CLIP2: variants seen among roughly 807,000 people sequenced by gnomAD.
CLIP2 encodes the protein CAP-Gly domain-containing linker protein 2.
CLIP2 carries 41 observed loss-of-function variants against 111.7 expected under a neutral mutation model. The ratio of observed to expected loss-of-function variants is 0.37; its 90% CI spans 0.29 to 0.48. CLIP2 has a LOEUF of 0.48. CLIP2 is among the 20% of genes least tolerant of loss of function. The probability of loss-of-function intolerance (pLI) is 0.99; values close to 1 mark genes in which losing one functional copy is unlikely to be tolerated. For missense variants in CLIP2, 1,160 were observed against 1,422.1 expected (o/e 0.82, Z 2.96); for synonymous variants, 660 against 644.2 (o/e 1.02, Z -0.37).
At chr7:74,354,028 G>A (rs1216786518) in intron 4 of CLIP2, 24 bp downstream of exon 4, 1 of 1,595,326 alleles carries the variant, frequency 6.3e-7, no homozygotes, top group Non-Finnish European at 8.6e-7. Flanking sequence ...CTTCTGGGGA[G>A]TATGGGAGGG....
In CLIP2 at chr7:74,386,719, C is replaced by T. The variant is rs1282388322; in HGVS notation, c.2563+115C>T. On this transcript the variant is annotated intron_variant, in intron 12 of 16. Coordinates refer to ENST00000223398, the MANE Select transcript of CLIP2 (RefSeq NM_003388.5). Reference sequence around the variant, plus strand: ...CTGGCTTAGGGTCCCCTCCCCGACTCTGCTTTGAGAAGAAAAGGGCTGGCT... The same window carrying T: ...CTGGCTTAGGGTCCCCTCCCCGACTTTGCTTTGAGAAGAAAAGGGCTGGCT... 3.7e-5 allele frequency: 27 copies of T among 724,294 alleles called. No homozygotes were observed. In the East Asian group the frequency reaches 8.8e-4, roughly 24 times the overall value. 44.9% of individuals were successfully genotyped at this position (724,294 alleles called of 1,614,324 possible). A position where few individuals can be genotyped will look rare whatever the true frequency, so the allele number is the denominator to read the frequency against.
intron 1 of CLIP2, among the ~76,000 whole-genome samples, chr7:74,316,113 A>T (rs1788764646): frequency 7.1e-6 from 1 of 141,694 alleles, no homozygotes; most frequent in African/African-American, 2.6e-5. Flanking sequence ...GCTCCGACTT[A>T]CAAGTGAGAA....
intron 1 of CLIP2, among the ~76,000 whole-genome samples, chr7:74,311,282 A>G (rs1788635217): frequency 6.6e-6 from 1 of 152,074 alleles, no homozygotes. Context: ...CTCGGCCACT[A>G]TTTTTAACTT....
In CLIP2 at chr7:74,338,749, G is replaced by T; in HGVS notation, c.423G>T (p.Arg141=). Residue 141 remains arginine, a synonymous_variant, in exon 3 of 17, where the codon CGG becomes CGT. Transcript: ENST00000223398. The surrounding 1 kb of genome is among the most constrained non-coding windows in gnomAD (Gnocchi z 4.3). ...ECPALQGIFT[R]PSKLTRQPTA... ...CGGCCCTCCAGGGTATCTTCACGCG[G>T]CCCTCCAAGCTGACCCGGCAGCCCA... 3 of 1,602,074 alleles carry T rather than the reference G, an allele frequency of 1.9e-6. No homozygotes were observed. Among genetic ancestry groups the T allele is most frequent in the East Asian group, 2.3e-5 (1 of 44,414 alleles).
rs1403967337 is a variant in CLIP2 at position 74,405,309 on chromosome 7, T to TTC, written c.*1462_*1463dup. On this transcript the variant is annotated 3_prime_UTR_variant, in exon 17 of 17. Coordinates refer to ENST00000223398, the MANE Select transcript of CLIP2 (RefSeq NM_003388.5). ...ACCCTCCGGCAGCTCAGGGAGTGTT[T>TTC]TCCTGTGAGGCCTCCCCCATCAGTG... is the stretch of plus-strand genomic sequence containing the variant. 3 of 152,212 alleles carry TTC rather than the reference T, an allele frequency of 2.0e-5. No homozygotes were observed. Among genetic ancestry groups the TTC allele is most frequent in the African/African-American group, 7.2e-5 (3 of 41,436 alleles). 9.4% of individuals were successfully genotyped at this position (152,212 alleles called of 1,614,324 possible).
chr7:74,332,924 G>A (rs532548533), intron 2 of CLIP2, among the ~76,000 whole-genome samples: 1 of 152,312 alleles, frequency 6.6e-6, no homozygotes, highest in South Asian at 2.1e-4. Context: ...CTCCTGATGA[G>A]ATTGAGCAGG....
intron 4 of CLIP2, among the ~76,000 whole-genome samples, chr7:74,355,642 C>T (rs1554308350): frequency 1.3e-5 from 2 of 152,144 alleles, no homozygotes; most frequent in Non-Finnish European, 2.9e-5. Flanking sequence ...GGGCCCAGTT[C>T]TCGTGGTCCA....
intron 3 of CLIP2, among the ~76,000 whole-genome samples, chr7:74,341,212 C>G (rs1303000936): frequency 2.0e-5 from 3 of 151,926 alleles, no homozygotes; most frequent in Non-Finnish European, 4.4e-5. Flanking sequence ...TTTTGTTTTT[C>G]TAGTCTCACT....
intron 11 of CLIP2, 197 bp from the exon 12 acceptor site, chr7:74,386,324 G>A (rs2116681432): frequency 4.4e-6 from 2 of 455,454 alleles, no homozygotes; most frequent in Non-Finnish European, 7.7e-6. Context: ...ACAGGCATGA[G>A]CCACCACGCC....
chr7:74,327,982 C>T, intron 2 of CLIP2, among the ~76,000 whole-genome samples: 1 of 152,162 alleles, frequency 6.6e-6, no homozygotes, highest in East Asian at 1.9e-4. Context: ...TTTGGAGTTC[C>T]ATTTGGTTCA....
chr7:74,306,443 T>C lies in CLIP2; in HGVS notation c.-67-11037T>C, dbSNP rs534736910. ...GGGAGAGAGCCACGTCCGGGGTCTC[T>C]GCAGGCGTGCCCGCTTCCTGGCTCC... On this transcript the variant is annotated intron_variant, in intron 1 of 16. Transcript: ENST00000223398. Among the ~76,000 whole-genome samples the C allele has an allele frequency of 3.3e-5, 5 of 152,256 alleles. No individual in the cohort carries two copies. The South Asian group carries it at 1.0e-3, about 32-fold the overall frequency.
intron 13 of CLIP2, among the ~76,000 whole-genome samples, chr7:74,396,327 C>G (rs1212720112): frequency 1.3e-5 from 2 of 152,018 alleles, no homozygotes; most frequent in African/African-American, 2.4e-5. Context: ...TTTGGGAAGC[C>G]AAGGCGGGAG....
intron 1 of CLIP2, among the ~76,000 whole-genome samples, chr7:74,316,853 C>T (rs1289968275): frequency 6.6e-6 from 1 of 152,042 alleles, no homozygotes; most frequent in Non-Finnish European, 1.5e-5. Flanking sequence ...TCAGCCACTG[C>T]ACCTGGCCCC....
intron 2 of CLIP2, among the ~76,000 whole-genome samples, chr7:74,319,141 T>A (rs1486283239): frequency 7.3e-5 from 11 of 151,008 alleles, no homozygotes; most frequent in African/African-American, 2.7e-4. Flanking sequence ...GGGGATGAGG[T>A]GGGGTGGGGA....
At chr7:74,294,576 C>T (rs1202109224) in intron 1 of CLIP2, among the ~76,000 whole-genome samples, 4 of 152,142 alleles carry the variant, frequency 2.6e-5, no homozygotes, top group African/African-American at 4.8e-5. Flanking sequence ...TTCCGGCTCA[C>T]CAGGAGGAGC....
intron 12 of CLIP2, among the ~76,000 whole-genome samples, chr7:74,386,852 G>A (rs553759171): frequency 6.6e-6 from 1 of 152,000 alleles, no homozygotes; most frequent in South Asian, 2.1e-4. Flanking sequence ...GTGAAACCTC[G>A]TCTCTACTAA....
chr7:74,322,455 A>G (rs1338293708), intron 2 of CLIP2, among the ~76,000 whole-genome samples: 4 of 152,102 alleles, frequency 2.6e-5, no homozygotes, highest in South Asian at 2.1e-4. Flanking sequence ...AAAATACAAA[A>G]AAATTAGCCT....
chr7:74,404,195 C>T lies in CLIP2; in HGVS notation c.*347C>T, dbSNP rs534318940. The T allele has an allele frequency of 9.5e-4, 283 of 297,050 alleles. 4 individuals are homozygous for T. In the Middle Eastern group the frequency reaches 0.01, roughly 11 times the overall value. 18.4% of individuals were successfully genotyped at this position (297,050 alleles called of 1,614,324 possible). A position where few individuals can be genotyped will look rare whatever the true frequency, so the allele number is the denominator to read the frequency against. ...GGAGCTGCCCTGAGGACCATCTTAG[C>T]GGCCCTGTCCTCTTTTTCCGCCCAT... On this transcript the variant is annotated 3_prime_UTR_variant, in exon 17 of 17. Transcript: ENST00000223398.
chr7:74,354,559 G>A (rs1166953491), intron 4 of CLIP2, among the ~76,000 whole-genome samples: 1 of 152,096 alleles, frequency 6.6e-6, no homozygotes. Flanking sequence ...CGGTTGCAGT[G>A]AGCCAAGATC....
Sources: gnomAD v4.1 joint callset for allele counts (sites outside exome capture counted in the v4.1 genomes callset) on GRCh38, gnomAD v4.1.1 for gene constraint, Gnocchi (gnomAD v3.1) non-coding constraint, MANE v1.5 for transcripts, NCBI Gene and HGNC (gene_info 2026-07-23, HGNC 2026-07-21) for gene names.